PRRC1: variants seen among roughly 807,000 people sequenced by gnomAD.
PRRC1 encodes protein PRRC1.
A neutral mutation model predicts 40.7 loss-of-function variants in PRRC1; 39 were observed. The ratio of observed to expected loss-of-function variants is 0.96; its 90% CI spans 0.74 to 1.25. PRRC1 has a LOEUF of 1.25. PRRC1 is among the 50% of genes most tolerant of loss of function. PRRC1 has a pLI of 0.00. For missense variants in PRRC1, 573 were observed against 548.3 expected (o/e 1.05, Z -0.45); for synonymous variants, 175 against 193.3 (o/e 0.91, Z 0.79).
intron 1 of PRRC1, among the ~76,000 whole-genome samples, chr5:127,520,029 A>G (rs182869707): frequency 1.8e-4 from 27 of 152,010 alleles, no homozygotes; most frequent in Admixed American, 2.6e-4. Flanking sequence ...GAACTTATTT[A>G]CTTTTCTCCA....
At chr5:127,526,837 T>C (rs1484550737) in intron 4 of PRRC1, 59 bp downstream of exon 4, 27 of 1,323,592 alleles carry the variant, frequency 2.0e-5, no homozygotes, top group Non-Finnish European at 2.7e-5. Flanking sequence ...TAGATATTCA[T>C]TAGAGAAAAT....
chr5:127,524,889 G>C lies in PRRC1; in HGVS notation c.462G>C (p.Leu154=), dbSNP rs1767577233. 6.2e-7 allele frequency: 1 copy of C among 1,609,262 alleles called. No homozygotes were observed. The highest frequency in any genetic ancestry group is 1.3e-5 in the African/African-American group (1 of 74,882). Residue 154 remains leucine, a synonymous_variant, in exon 3 of 9, where the codon CTG becomes CTC. Transcript: ENST00000296666. The part of the protein sequence containing the change: ...GHAGRAPQTP[L]MPSFSAPSGT... ...CTGGGAGAGCTCCCCAGACACCCCT[G>C]ATGCCATCATTTTCTGCACCTTCAG...
At chr5:127,547,357 GTTA>G (rs1274698338) in intron 7 of PRRC1, among the ~76,000 whole-genome samples, 6 of 151,974 alleles carry the variant, frequency 3.9e-5, no homozygotes, top group Non-Finnish European at 5.9e-5. Flanking sequence ...GAGAGTATTT[GTTA>G]TTATTTCCTC....
chr5:127,528,183 A>G (rs1006525291), intron 4 of PRRC1, among the ~76,000 whole-genome samples: 1 of 152,146 alleles, frequency 6.6e-6, no homozygotes, highest in Non-Finnish European at 1.5e-5. Context: ...ATACTTTTCT[A>G]TATGCTCTCA....
intron 2 of PRRC1, chr5:127,524,105 C>T (rs780905797): frequency 7.4e-5 from 12 of 161,726 alleles, no homozygotes; most frequent in Non-Finnish European, 1.3e-4. Flanking sequence ...AACTCCTGAC[C>T]TCAGGTGATC....
Position 127,533,831 on chromosome 5 carries a change from A to T in PRRC1, c.921+45A>T, listed in dbSNP as rs1368567674. The T allele has an allele frequency of 4.4e-6, 7 of 1,589,810 alleles. No individual in the cohort carries two copies. The Middle Eastern group carries it at 1.0e-3, about 226-fold the overall frequency. ...TTTCAGGACATGGAAACTGGCATTT[A>T]ATTTTTTCACAATTCTGATAATCTG... is the stretch of plus-strand genomic sequence containing the variant. On this transcript the variant is annotated intron_variant, in intron 6 of 8. Coordinates refer to ENST00000296666, the MANE Select transcript of PRRC1 (RefSeq NM_130809.5).
rs1364162770 is a variant in PRRC1 at position 127,554,194 on chromosome 5, G to T, written c.*2278G>T. On this transcript the variant is annotated 3_prime_UTR_variant, in exon 9 of 9. Transcript: ENST00000296666. ...AAGATATGCTGATCATCAGTCTCAGGCCACAGTTTCCTTCACTAATCGTCC... is the reference window on the plus strand; with the variant it reads ...AAGATATGCTGATCATCAGTCTCAGTCCACAGTTTCCTTCACTAATCGTCC... 4.6e-6 allele frequency: 1 copy of T among 217,014 alleles called. No individual in the cohort carries two copies. The allele number at this position is 217,014 out of a possible 1,614,324, so 13.4% of individuals were successfully genotyped here. A position where few individuals can be genotyped will look rare whatever the true frequency, so the allele number is the denominator to read the frequency against.
At chr5:127,527,051 C>T (rs1294924262) in intron 4 of PRRC1, among the ~76,000 whole-genome samples, 3 of 152,046 alleles carry the variant, frequency 2.0e-5, no homozygotes, top group East Asian at 3.9e-4. Context: ...TCTTCCTGGC[C>T]GTAAAATATT....
chr5:127,526,348 A>G (rs552097281), intron 3 of PRRC1, among the ~76,000 whole-genome samples: 7 of 152,340 alleles, frequency 4.6e-5, no homozygotes, highest in African/African-American at 1.7e-4. Flanking sequence ...TTCATATCCA[A>G]GTGCTGAATA....
intron 8 of PRRC1, chr5:127,548,688 A>G (rs921123357): frequency 6.6e-5 from 10 of 152,098 alleles, no homozygotes; most frequent in African/African-American, 2.4e-4. Flanking sequence ...TAAGAAAACT[A>G]TTGGGCTGTC....
At chr5:127,540,682 T>C (rs1226789384) in intron 7 of PRRC1, among the ~76,000 whole-genome samples, 1 of 152,152 alleles carries the variant, frequency 6.6e-6, no homozygotes, top group Non-Finnish European at 1.5e-5. Flanking sequence ...AAAAATGTCA[T>C]GGTACTGTTT....
In PRRC1 at chr5:127,524,853, A is replaced by C; in HGVS notation, c.426A>C (p.Thr142=). ...GFSVGSTYDI[T]RGHAGRAPQT... ...CTGTTGGTTCAACTTATGACATTAC[A>C]AGGGGACATGCTGGGAGAGCTCCCC... is the stretch of plus-strand genomic sequence containing the variant. Residue 142 remains threonine, a synonymous_variant, in exon 3 of 9, where the codon ACA becomes ACC. Coordinates refer to ENST00000296666, the MANE Select transcript of PRRC1 (RefSeq NM_130809.5). The C allele has an allele frequency of 1.2e-6, 2 of 1,614,196 alleles. No individual in the cohort carries two copies. Among genetic ancestry groups the C allele is most frequent in the Non-Finnish European group, 1.7e-6 (2 of 1,180,024 alleles).
chr5:127,533,616 T>A lies in PRRC1; in HGVS notation c.758-7T>A, dbSNP rs1231039396. On this transcript the variant is annotated splice_polypyrimidine_tract_variant and splice_region_variant and intron_variant, in intron 5 of 8. Transcript: ENST00000296666. ...TTGAAAGTTAAATTTTCCTCTGGTC[T>A]TTTTAGAATCTGGAGGTGAACTGGA... is the stretch of plus-strand genomic sequence containing the variant. 2 of 1,604,216 alleles carry A rather than the reference T, an allele frequency of 1.2e-6. No individual in the cohort carries two copies. Among genetic ancestry groups the A allele is most frequent in the Non-Finnish European group, 1.7e-6 (2 of 1,176,910 alleles).
At position 127,553,074 on chromosome 5, in the gene PRRC1, A is replaced by C. The variant is rs1424238518; in HGVS notation, c.*1158A>C. 2 of 783,400 alleles carry C rather than the reference A, an allele frequency of 2.6e-6. No individual in the cohort carries two copies. The highest frequency in any genetic ancestry group is 3.8e-5 in the African/African-American group (2 of 52,918). 48.5% of individuals were successfully genotyped at this position (783,400 alleles called of 1,614,324 possible). ...TAATACTGTTGGACTTTGTATATAC[A>C]AGTTCAAATAACTTTTTCGAAGATA... On this transcript the variant is annotated 3_prime_UTR_variant, in exon 9 of 9. Transcript: ENST00000296666.
At chr5:127,522,687 G>A (rs538909859) in intron 1 of PRRC1, among the ~76,000 whole-genome samples, 37 of 151,710 alleles carry the variant, frequency 2.4e-4, no homozygotes, top group African/African-American at 3.1e-4. Flanking sequence ...CACTGTGCCT[G>A]GCTTTATTTT....
rs1448020609 is a variant in PRRC1 at position 127,552,920 on chromosome 5, AAC to A, written c.*1005_*1006del. 2.2e-6 allele frequency: 2 copies of A among 919,016 alleles called. No individual in the cohort carries two copies. The highest frequency in any genetic ancestry group is 3.6e-5 in the African/African-American group (2 of 55,762). 56.9% of individuals were successfully genotyped at this position (919,016 alleles called of 1,614,324 possible). A position where few individuals can be genotyped will look rare whatever the true frequency, so the allele number is the denominator to read the frequency against. On this transcript the variant is annotated 3_prime_UTR_variant, in exon 9 of 9. Transcript: ENST00000296666. The stretch of plus-strand genomic sequence containing the variant: ...TACTTTTTATGGATGTTTTCAAAGA[AAC>A]TATTTTATATTCAATCTAGTTTATT...
intron 7 of PRRC1, among the ~76,000 whole-genome samples, chr5:127,546,038 C>G (rs906437836): frequency 6.6e-6 from 1 of 152,104 alleles, no homozygotes; most frequent in African/African-American, 2.4e-5. Context: ...TTGCTTCTGG[C>G]CCATTTCTCT....
intron 8 of PRRC1, chr5:127,549,947 G>C (rs1364419984): frequency 6.6e-6 from 1 of 151,864 alleles, no homozygotes; most frequent in Non-Finnish European, 1.5e-5. Flanking sequence ...ATATATACTG[G>C]AAAGAAGTAG....
intron 2 of PRRC1, chr5:127,524,239 A>C (rs1408923262): frequency 3.6e-6 from 1 of 274,844 alleles, no homozygotes; most frequent in East Asian, 7.7e-5. Flanking sequence ...TTTATGCTCA[A>C]ACTAGGGATG....
Sources: gnomAD v4.1 joint callset for allele counts (sites outside exome capture counted in the v4.1 genomes callset) on GRCh38, gnomAD v4.1.1 for gene constraint, MANE v1.5 for transcripts, NCBI Gene and HGNC (gene_info 2026-07-23, HGNC 2026-07-21) for gene names.